Variants in RBFOX1 observed in about 807,000 individuals in gnomAD.
RBFOX1 encodes RNA binding protein fox-1 homolog 1.
A neutral mutation model predicts 57.7 loss-of-function variants in RBFOX1; 8 were observed. That is an observed-to-expected ratio of 0.14 (90% confidence interval 0.08 to 0.25). The LOEUF is 0.25. RBFOX1 is among the 10% of genes least tolerant of loss of function. The pLI, the probability that RBFOX1 is intolerant of heterozygous loss-of-function variation, is 1.00. For missense variants in RBFOX1, 611 were observed against 548.5 expected (o/e 1.11, Z -1.14); for synonymous variants, 326 against 222.4 (o/e 1.47, Z -4.15).
At chr16:6,555,650 A>T (rs1167684196) in intron 2 of RBFOX1, among the ~76,000 whole-genome samples, 1 of 152,148 alleles carries the variant, frequency 6.6e-6, no homozygotes, top group Non-Finnish European at 1.5e-5. Context: ...CCGTGAGCCA[A>T]GATCATGCCA....
At chr16:5,448,076 C>G (rs936022354) in intron 1 of RBFOX1, among the ~76,000 whole-genome samples, 4 of 152,164 alleles carry the variant, frequency 2.6e-5, no homozygotes, top group African/African-American at 9.7e-5. Flanking sequence ...GAGGTCAGTT[C>G]TTAGACAATT....
At chr16:5,643,790 T>C (rs2048958196) in intron 3 of RBFOX1, among the ~76,000 whole-genome samples, 1 of 152,212 alleles carries the variant, frequency 6.6e-6, no homozygotes, top group African/African-American at 2.4e-5. Flanking sequence ...TTCCATCCAC[T>C]ACTGTCCCCT....
At chr16:7,165,732 C>T (rs2079343684) in intron 4 of RBFOX1, among the ~76,000 whole-genome samples, 1 of 151,968 alleles carries the variant, frequency 6.6e-6, no homozygotes, top group Non-Finnish European at 1.5e-5. Flanking sequence ...CCTAGCTCCT[C>T]TCCTGGAATG....
intron 3 of RBFOX1, among the ~76,000 whole-genome samples, chr16:5,658,540 G>C (rs1288120894): frequency 3.3e-5 from 5 of 151,814 alleles, no homozygotes. Flanking sequence ...TCGTTCTCTG[G>C]GTATTACCTG....
intron 2 of RBFOX1, among the ~76,000 whole-genome samples, chr16:6,504,425 C>A (rs1598409008): frequency 6.6e-6 from 1 of 152,110 alleles, no homozygotes; most frequent in African/African-American, 2.4e-5. Flanking sequence ...GTATGCTTCA[C>A]CATTGGTTTA....
At chr16:5,274,612 C>T (rs186086006) in intron 1 of RBFOX1, among the ~76,000 whole-genome samples, 1 of 152,294 alleles carries the variant, frequency 6.6e-6, no homozygotes, top group Non-Finnish European at 1.5e-5. Context: ...CGTCTCCTCC[C>T]TGGTGAGCAG....
chr16:5,916,317 C>T lies in RBFOX1; in HGVS notation c.351+48982C>T, dbSNP rs117682458. On this transcript the variant is annotated intron_variant, in intron 4 of 19. Coordinates refer to the RBFOX1 transcript ENST00000641259. ...TCCCCCCTCCTTTGTTGGAGTTTGT[C>T]TTCTATTTGTTTTTGTCTTACTGTC... Among the ~76,000 whole-genome samples, 43 of 152,178 alleles carry T rather than the reference C, an allele frequency of 2.8e-4. No homozygotes were observed. The East Asian group carries it at 7.2e-3, about 25-fold the overall frequency.
At chr16:7,546,014 T>TAAAAATA (rs1555576425) in intron 5 of RBFOX1, among the ~76,000 whole-genome samples, 1 of 134,152 alleles carries the variant, frequency 7.5e-6, no homozygotes, top group Non-Finnish European at 1.6e-5. Context: ...TCTGAGCTTA[T>TAAAAATA]AAAAAAAAAA....
intron 4 of RBFOX1, among the ~76,000 whole-genome samples, chr16:6,006,013 T>G (rs969938246): frequency 6.6e-6 from 1 of 152,166 alleles, no homozygotes; most frequent in Non-Finnish European, 1.5e-5. Flanking sequence ...TGGAGAGTCT[T>G]GTATGGTAAG....
chr16:7,181,339 C>G (rs1369861568), intron 4 of RBFOX1, among the ~76,000 whole-genome samples: 2 of 152,170 alleles, frequency 1.3e-5, no homozygotes, highest in Non-Finnish European at 2.9e-5. Flanking sequence ...TCTGCCCTCT[C>G]CAAACCCCTT....
intron 4 of RBFOX1, chr16:7,304,455 G>T (rs2096122346): frequency 2.0e-6 from 2 of 985,322 alleles, no homozygotes; most frequent in Non-Finnish European, 2.4e-6. Context: ...CCCAGCTTTC[G>T]TGTGCCTTGA....
At chr16:7,155,734 T>C (rs200600051) in intron 4 of RBFOX1, among the ~76,000 whole-genome samples, 13,716 of 81,280 alleles carry the variant, frequency 0.17, 1,365 homozygotes, top group African/African-American at 0.29. Context: ...TATATATATA[T>C]ATATACACAC....
intron 3 of RBFOX1, among the ~76,000 whole-genome samples, chr16:6,715,355 G>C (rs2154155515): frequency 6.6e-6 from 1 of 152,138 alleles, no homozygotes; most frequent in South Asian, 2.1e-4. Context: ...AGGGACAGAT[G>C]GGGTGAGTGA....
intron 4 of RBFOX1, among the ~76,000 whole-genome samples, chr16:7,153,695 A>G (rs4258634): frequency 0.91 from 133,332 of 147,246 alleles, 60,515 homozygotes; most frequent in East Asian, 1. Context: ...GGTTGCATTG[A>G]ACTCTAGCCT....
At chr16:5,749,152 A>G (rs961189374) in intron 3 of RBFOX1, among the ~76,000 whole-genome samples, 1 of 152,114 alleles carries the variant, frequency 6.6e-6, no homozygotes, top group African/African-American at 2.4e-5. Flanking sequence ...CTGGATATGA[A>G]GTTCTGGGTT....
chr16:6,637,442 ATG>A (rs2098453525), intron 2 of RBFOX1, among the ~76,000 whole-genome samples: 1 of 20,258 alleles, frequency 4.9e-5, no homozygotes, highest in Non-Finnish European at 1.4e-4. Flanking sequence ...ATATAAATAT[ATG>A]TAAATGTATA....
chr16:7,419,400 G>A (rs1026034382), intron 4 of RBFOX1, among the ~76,000 whole-genome samples: 8 of 152,158 alleles, frequency 5.3e-5, no homozygotes, highest in South Asian at 2.1e-4. Flanking sequence ...TGGACACCTC[G>A]CTTGTGAATG....
intron 2 of RBFOX1, among the ~76,000 whole-genome samples, chr16:5,535,979 A>G (rs564105017): frequency 1.3e-5 from 2 of 152,258 alleles, no homozygotes; most frequent in African/African-American, 4.8e-5. Flanking sequence ...TGAGTTAGTA[A>G]AAGTTTGTAC....
chr16:6,632,111 C>G (rs1047582826), intron 2 of RBFOX1, among the ~76,000 whole-genome samples: 3 of 152,070 alleles, frequency 2.0e-5, no homozygotes, highest in East Asian at 1.9e-4. Flanking sequence ...GAGTCTGTCC[C>G]TTGTTAATTG....
Sources: gnomAD v4.1 joint callset for allele counts (sites outside exome capture counted in the v4.1 genomes callset) on GRCh38, gnomAD v4.1.1 for gene constraint, MANE v1.5 for transcripts, NCBI Gene and HGNC (gene_info 2026-07-23, HGNC 2026-07-21) for gene names.